Variants in PFKL observed in about 807,000 individuals in gnomAD.
PFKL encodes phosphofructokinase, liver type, also known as ATP-dependent 6-phosphofructokinase, liver type.
A neutral mutation model predicts 92.1 loss-of-function variants in PFKL; 74 were observed. The observed-to-expected ratio is 0.80, with a 90% CI of 0.67 to 0.97. The LOEUF (loss-of-function observed/expected upper bound fraction) is 0.97. Ranked by LOEUF, PFKL falls within the 50% of genes least tolerant of loss-of-function variation. The pLI is 0.00. For synonymous variants in PFKL, 494 were observed against 456.4 expected (o/e 1.08, Z -1.05); for missense variants, 1,028 against 1,116.6 (o/e 0.92, Z 1.13).
Position 44,326,247 on chromosome 21 carries a change from G to GA in PFKL, c.2181dup (p.Asp728ArgfsTer3). ...CCTTCAGCCCCGTCACTGAGCTCAAGAAAGACACTGATTTCGAGTGAGTTC... is the reference window on the plus strand; with the variant it reads ...CCTTCAGCCCCGTCACTGAGCTCAAGAAAAGACACTGATTTCGAGTGAGTTC... On this transcript the variant is annotated frameshift_variant, in exon 21 of 22. Coordinates refer to ENST00000349048, the MANE Select transcript of PFKL (RefSeq NM_002626.6). LOFTEE classifies it low-confidence loss of function (END_TRUNC). The GA allele has an allele frequency of 1.9e-6, 3 of 1,611,420 alleles. No homozygotes were observed. Among genetic ancestry groups the GA allele is most frequent in the Non-Finnish European group, 2.5e-6 (3 of 1,178,622 alleles).
chr21:44,311,221 C>G lies in PFKL; in HGVS notation c.237+138C>G, dbSNP rs958472961. 2.6e-5 allele frequency: 17 copies of G among 653,658 alleles called. No individual in the cohort carries two copies. The Admixed American group carries it at 4.3e-4, about 17-fold the overall frequency. The allele number at this position is 653,658 out of a possible 1,614,324, so 40.5% of individuals were successfully genotyped here. A position where few individuals can be genotyped will look rare whatever the true frequency, so the allele number is the denominator to read the frequency against. On this transcript the variant is annotated intron_variant, in intron 3 of 21. Coordinates refer to ENST00000349048, the MANE Select transcript of PFKL (RefSeq NM_002626.6). The stretch of plus-strand genomic sequence containing the variant: ...ACATGCAGACACACAGACATGCACA[C>G]AGACGCACACACACACAGATGTGCA...
Position 44,321,820 on chromosome 21 carries a change from A to G in PFKL, c.1283A>G (p.His428Arg), listed in dbSNP as rs1383363103. The G allele has an allele frequency of 2.5e-6, 4 of 1,601,838 alleles. No individual in the cohort carries two copies. The East Asian group carries it at 6.8e-5, about 27-fold the overall frequency. ...TCGGCGGTGCGGACCGGCATCTCCCATGGACACACAGTATACGTGGTGCAC... is the reference window on the plus strand; with the variant it reads ...TCGGCGGTGCGGACCGGCATCTCCCGTGGACACACAGTATACGTGGTGCAC... The part of the protein sequence containing the change: ...VRSAVRTGIS[H>R]GHTVYVVHDG... Residue 428 changes from histidine to arginine, a missense_variant, in exon 13 of 22, where the codon CAT becomes CGT. His to Arg is a conservative substitution (Grantham distance 29). Coordinates refer to ENST00000349048, the MANE Select transcript of PFKL (RefSeq NM_002626.6).
At chr21:44,322,340 G>A in intron 14 of PFKL, 137 bp downstream of exon 14, 1 of 794,888 alleles carries the variant, frequency 1.3e-6, no homozygotes, top group Non-Finnish European at 1.9e-6. Context: ...TCTGCCCAGA[G>A]CAGGCTTCAC....
In PFKL at chr21:44,326,844, C is replaced by G; in HGVS notation, c.2325C>G (p.Ser775Arg). The change falls in exon 22 of 22, where the codon AGC (serine) becomes AGG (arginine). Residue 775 changes from serine (S) to arginine (R), a missense_variant. Physicochemically the swap from Ser to Arg is moderately radical, Grantham distance 110. Transcript: ENST00000349048. ...AGCACGTGACCCGCCGCACCCTGAG[C>G]ATGGACAAGGGCTTCTGAGGCCAGC... ...ELEHVTRRTLSMDKGF is the reference protein window; with the variant it reads ...ELEHVTRRTLRMDKGF 1 of 1,609,810 alleles carries G rather than the reference C, an allele frequency of 6.2e-7. No homozygotes were observed. The highest frequency in any genetic ancestry group is 8.5e-7 in the Non-Finnish European group (1 of 1,178,690).
intron 12 of PFKL, chr21:44,320,593 G>GT (rs1291296223): frequency 6.4e-6 from 1 of 156,490 alleles, no homozygotes; most frequent in East Asian, 1.9e-4. Context: ...GGGCGTGGTG[G>GT]TGGCACATGC....
chr21:44,306,624 G>GA, intron 1 of PFKL, 57 bp from the exon 2 acceptor site: 1 of 1,495,608 alleles, frequency 6.7e-7, no homozygotes, highest in South Asian at 1.2e-5. Flanking sequence ...GATGGGGAGG[G>GA]TGTCCAGGGC....
chr21:44,321,835 A>G lies in PFKL; in HGVS notation c.1298A>G (p.Tyr433Cys). 6.3e-7 allele frequency: 1 copy of G among 1,583,428 alleles called. No individual in the cohort carries two copies. Residue 433 changes from tyrosine to cysteine, a missense_variant, in exon 13 of 22, where the codon TAC (tyrosine) becomes TGC (cysteine). Transcript: ENST00000349048. ...RTGISHGHTV[Y>C]VVHDGFEGLA... ...GGCATCTCCCATGGACACACAGTAT[A>G]CGTGGTGCACGATGGCTTCGAAGGC... is the stretch of plus-strand genomic sequence containing the variant.
intron 1 of PFKL, among the ~76,000 whole-genome samples, chr21:44,306,356 G>T (rs1171010095): frequency 6.6e-6 from 1 of 152,196 alleles, no homozygotes; most frequent in Non-Finnish European, 1.5e-5. Flanking sequence ...GGAAGCTGAA[G>T]CCTAGAGCCT....
intron 19 of PFKL, chr21:44,325,501 G>A (rs1191556977): frequency 5.2e-6 from 3 of 572,994 alleles, no homozygotes; most frequent in Non-Finnish European, 9.4e-6. Context: ...CACATGCTGA[G>A]CCGAGCTCCC....
intron 9 of PFKL, among the ~76,000 whole-genome samples, chr21:44,317,553 C>T (rs1028080575): frequency 6.6e-6 from 1 of 152,204 alleles, no homozygotes; most frequent in African/African-American, 2.4e-5. Flanking sequence ...TCCCAGCCTG[C>T]AGGCTGCTGG....
At position 44,321,754 on chromosome 21, in the gene PFKL, A is replaced by G; in HGVS notation, c.1217A>G (p.Asn406Ser). 1 of 1,587,388 alleles carries G rather than the reference A, an allele frequency of 6.3e-7. No homozygotes were observed. Among genetic ancestry groups the G allele is most frequent in the East Asian group, 2.3e-5 (1 of 43,788 alleles). The change falls in exon 13 of 22, where the codon AAT becomes AGT. Residue 406 changes from asparagine (N) to serine (S), a missense_variant. Physicochemically the swap from Asn to Ser is conservative, Grantham distance 46. Coordinates refer to ENST00000349048, the MANE Select transcript of PFKL (RefSeq NM_002626.6). Reference protein sequence around the residue: ...EKSNFSLAILNVGAPAAGMNA... With the variant: ...EKSNFSLAILSVGAPAAGMNA... ...TCTAACTTCTCCCTGGCCATCCTGA[A>G]TGTGGGGGCCCCGGCGGCTGGCATG...
rs55966702 is a variant in PFKL, at chr21:44,306,621, A to C, written c.86-60A>C. 6.4e-6 allele frequency: 9 copies of C among 1,401,896 alleles called. No homozygotes were observed. The East Asian group carries it at 1.7e-4, about 26-fold the overall frequency. 86.8% of individuals were successfully genotyped at this position (1,401,896 alleles called of 1,614,324 possible). ...CTACCCCCTGTCCTCTGAGATGGGGAGGGTGTCCAGGGCCTTGCTTCTCAG... is the reference window on the plus strand; with the variant it reads ...CTACCCCCTGTCCTCTGAGATGGGGCGGGTGTCCAGGGCCTTGCTTCTCAG... On this transcript the variant is annotated intron_variant, in intron 1 of 21. Transcript: ENST00000349048.
In PFKL at chr21:44,313,513, G is replaced by A. The variant is rs1186198663; in HGVS notation, c.594-125G>A. ...AGGTATCTTTTAGCTCAGAGCCTGG[G>A]CATGAGAAGGGGCTGTCCCCTGCCT... On this transcript the variant is annotated intron_variant, in intron 5 of 21. Coordinates refer to ENST00000349048, the MANE Select transcript of PFKL (RefSeq NM_002626.6). 3.4e-6 allele frequency: 3 copies of A among 882,194 alleles called. No individual in the cohort carries two copies. The Admixed American group carries it at 6.7e-5, about 20-fold the overall frequency. The allele number at this position is 882,194 out of a possible 1,614,324, so 54.6% of individuals were successfully genotyped here. A position where few individuals can be genotyped will look rare whatever the true frequency, so the allele number is the denominator to read the frequency against.
chr21:44,306,113 C>CTTTCCTCAGTGCCCAGAGGTG (rs1555875512), intron 1 of PFKL, among the ~76,000 whole-genome samples: 1 of 152,222 alleles, frequency 6.6e-6, no homozygotes, highest in Non-Finnish European at 1.5e-5. Flanking sequence ...CACGCCGCAG[C>CTTTCCTCAGTGCCCAGAGGTG]CTGAATGTCT....
intron 13 of PFKL, 102 bp downstream of exon 13, chr21:44,321,977 C>G: frequency 6.8e-7 from 1 of 1,465,412 alleles, no homozygotes; most frequent in Non-Finnish European, 9.2e-7. Flanking sequence ...AGGCTGAGAC[C>G]TGGGTCCGCG....
intron 1 of PFKL, among the ~76,000 whole-genome samples, chr21:44,306,088 C>T (rs894304087): frequency 2.1e-4 from 32 of 152,258 alleles, no homozygotes; most frequent in African/African-American, 7.7e-4. Context: ...AGGTGCTCCC[C>T]GGCTTCTCCA....
chr21:44,300,788 C>T (rs974078036), intron 1 of PFKL, among the ~76,000 whole-genome samples: 5 of 152,216 alleles, frequency 3.3e-5, no homozygotes, highest in Non-Finnish European at 7.3e-5. Flanking sequence ...CTGGGGAGGC[C>T]TCAGGTGGTG....
At chr21:44,311,233 C>G in intron 3 of PFKL, 150 bp downstream of exon 3, 1 of 640,752 alleles carries the variant, frequency 1.6e-6, no homozygotes, top group Admixed American at 2.6e-5. Flanking sequence ...GACGCACACA[C>G]ACACAGATGT....
At position 44,318,565 on chromosome 21, in the gene PFKL, G is replaced by T. The variant is rs2047272321; in HGVS notation, c.1032G>T (p.Val344=). The change falls in exon 10 of 22, where the codon GTG becomes GTT. Residue 344 remains valine (V), a synonymous_variant. Coordinates refer to ENST00000349048, the MANE Select transcript of PFKL (RefSeq NM_002626.6). ...CVVTLSGNQS[V]RLPLMECVQM... is the part of the protein sequence containing the mutation. ...TCACCCTCTCGGGGAACCAGTCAGT[G>T]CGGCTGCCCCTCATGGAGTGCGTGC... 1 of 1,556,404 alleles carries T rather than the reference G, an allele frequency of 6.4e-7. No individual in the cohort carries two copies. The highest frequency in any genetic ancestry group is 1.4e-5 in the African/African-American group (1 of 73,046).
Sources: gnomAD v4.1 joint callset for allele counts (sites outside exome capture counted in the v4.1 genomes callset) on GRCh38, gnomAD v4.1.1 for gene constraint, MANE v1.5 for transcripts, NCBI Gene and HGNC (gene_info 2026-07-23, HGNC 2026-07-21) for gene names.